Variants in SMAD6 observed in about 807,000 individuals in gnomAD.
SMAD6 encodes SMAD family member 6.
SMAD6 carries 103 observed loss-of-function variants against 39.4 expected under a neutral mutation model. That is an observed-to-expected ratio of 2.62 (90% CI 2.23 to 3.08). The LOEUF (loss-of-function observed/expected upper bound fraction) is 3.08. Ranked by LOEUF, SMAD6 falls within the 30% of genes most tolerant of loss-of-function variation. The pLI is 0.00. For synonymous variants in SMAD6, 445 were observed against 353.3 expected (o/e 1.26, Z -2.91); for missense variants, 1,104 against 742.9 (o/e 1.49, Z -5.65).
Position 66,781,398 on chromosome 15 carries a change from CCCGACGCCG to C in SMAD6, c.1361_1369del (p.Ala454_Asp456del), listed in dbSNP as rs1894571015. On this transcript the variant is annotated inframe_deletion, in exon 4 of 4. Coordinates refer to ENST00000288840, the MANE Select transcript of SMAD6 (RefSeq NM_005585.5). ...CTCGGGCCTGCAGCACGCGCCCGAGCCCGACGCCGCCGACGGCCCCTACGACCCCAACAG... is the reference window on the plus strand; with the variant it reads ...CTCGGGCCTGCAGCACGCGCCCGAGCCCGACGGCCCCTACGACCCCAACAG... 6.2e-7 allele frequency: 1 copy of C among 1,602,742 alleles called. No individual in the cohort carries two copies. The highest frequency in any genetic ancestry group is 1.7e-5 in the Admixed American group (1 of 59,822).
chr15:66,780,061 C>G (rs1230598951), intron 3 of SMAD6, among the ~76,000 whole-genome samples: 1 of 152,216 alleles, frequency 6.6e-6, no homozygotes, highest in Non-Finnish European at 1.5e-5. Context: ...TTAGCTACCC[C>G]TTTGCTATAC....
At chr15:66,741,420 T>G (rs1407916944) in intron 3 of SMAD6, among the ~76,000 whole-genome samples, 1 of 152,240 alleles carries the variant, frequency 6.6e-6, no homozygotes, top group Non-Finnish European at 1.5e-5. Context: ...AGGTTTGTGT[T>G]TCATTAGGCT....
At chr15:66,727,922 C>T (rs752305721) in intron 3 of SMAD6, among the ~76,000 whole-genome samples, 28 of 151,760 alleles carry the variant, frequency 1.8e-4, no homozygotes, top group Non-Finnish European at 1.0e-4. Context: ...GCGCGATCTC[C>T]GCTCGCGGTA....
intron 3 of SMAD6, among the ~76,000 whole-genome samples, chr15:66,723,760 C>G (rs1045876067): frequency 9.2e-5 from 14 of 152,248 alleles, no homozygotes; most frequent in African/African-American, 3.4e-4. Flanking sequence ...ATGCCAGTGG[C>G]AGATGATAGA....
At position 66,781,054 on chromosome 15, in the gene SMAD6, G is replaced by C; in HGVS notation, c.1010G>C (p.Trp337Ser). The part of the protein sequence containing the change: ...KPSHWCSVAY[W>S]EHRTRVGRLY... ...AGCCACTGGTGCAGCGTGGCGTACT[G>C]GGAGCACCGGACGCGCGTGGGCCGC... The change falls in exon 4 of 4, where the codon TGG (tryptophan) becomes TCG (serine). Residue 337 changes from tryptophan to serine, a missense_variant. By Grantham distance (177) the Trp-to-Ser change is radical (BLOSUM62 -3). Transcript: ENST00000288840. 1 of 1,602,900 alleles carries C rather than the reference G, an allele frequency of 6.2e-7. No homozygotes were observed. Among genetic ancestry groups the C allele is most frequent in the Non-Finnish European group, 8.5e-7 (1 of 1,178,384 alleles).
At chr15:66,708,878 C>T (rs1394919617) in intron 1 of SMAD6, 4 of 382,252 alleles carry the variant, frequency 1.0e-5, no homozygotes, top group South Asian at 2.0e-5. Context: ...TGAATATACT[C>T]AAAAACCACT....
At chr15:66,724,325 A>T (rs1287704370) in intron 3 of SMAD6, among the ~76,000 whole-genome samples, 1 of 152,204 alleles carries the variant, frequency 6.6e-6, no homozygotes, top group African/African-American at 2.4e-5. Context: ...TGAATGAATG[A>T]ATTTTTGCCT....
chr15:66,749,493 C>T (rs779206396), intron 3 of SMAD6, among the ~76,000 whole-genome samples: 18 of 152,066 alleles, frequency 1.2e-4, no homozygotes, highest in Non-Finnish European at 1.8e-4. Flanking sequence ...AGGCAGGCGT[C>T]GTGGCATGCA....
intron 3 of SMAD6, among the ~76,000 whole-genome samples, chr15:66,760,058 G>A (rs10468039): frequency 0.026 from 3,901 of 152,094 alleles, 92 homozygotes; most frequent in Non-Finnish European, 0.039. Flanking sequence ...TGCCCATGCC[G>A]TTCCCCAAAC....
At chr15:66,730,192 G>T (rs1893602067) in intron 3 of SMAD6, among the ~76,000 whole-genome samples, 1 of 152,222 alleles carries the variant, frequency 6.6e-6, no homozygotes. Context: ...GATGCGGATT[G>T]CCCACTGTCT....
chr15:66,759,380 C>CA (rs1342529486), intron 3 of SMAD6, among the ~76,000 whole-genome samples: 2 of 151,964 alleles, frequency 1.3e-5, no homozygotes, highest in Non-Finnish European at 2.9e-5. Flanking sequence ...AACAACACAG[C>CA]AAACTTTTTT....
chr15:66,734,190 G>A (rs1893675811), intron 3 of SMAD6, among the ~76,000 whole-genome samples: 1 of 152,226 alleles, frequency 6.6e-6, no homozygotes, highest in Non-Finnish European at 1.5e-5. Flanking sequence ...GTTCACATTT[G>A]GCTGTTTTCA....
chr15:66,727,594 G>A (rs765016997), intron 3 of SMAD6, among the ~76,000 whole-genome samples: 9 of 152,218 alleles, frequency 5.9e-5, no homozygotes, highest in East Asian at 3.9e-4. Flanking sequence ...ATTCTGGCAG[G>A]GCAGTAAGGA....
At chr15:66,778,763 C>T (rs930369682) in intron 3 of SMAD6, among the ~76,000 whole-genome samples, 2 of 152,158 alleles carry the variant, frequency 1.3e-5, no homozygotes, top group Admixed American at 6.5e-5. Flanking sequence ...AGCACCAAGG[C>T]GGCCCCAGCA....
Position 66,742,868 on chromosome 15 carries a change from G to T in SMAD6, c.952+26370G>T, listed in dbSNP as rs143845203. Among the ~76,000 whole-genome samples, 823 of 152,218 alleles carry T rather than the reference G, an allele frequency of 5.4e-3. 4 individuals carry two copies. The highest frequency in any genetic ancestry group is 0.015 in the Admixed American group (232 of 15,288). ...GGCCTGGCTTTGTTTCTGGGCTTGGGTGCTCTTACTGGGTTCTTCCCTTAA... is the reference window on the plus strand; with the variant it reads ...GGCCTGGCTTTGTTTCTGGGCTTGGTTGCTCTTACTGGGTTCTTCCCTTAA... On this transcript the variant is annotated intron_variant, in intron 3 of 3. Transcript: ENST00000288840.
rs1892987896 is a variant in SMAD6 at position 66,702,340 on chromosome 15, C to G, written c.-919C>G. On this transcript the variant is annotated 5_prime_UTR_variant, in exon 1 of 4. It adds an upstream start codon to the 5' untranslated region. Transcript: ENST00000288840. Reference sequence around the variant, plus strand: ...AGAGAGAGCCGAGCGGGGGAGCGATCGAGGGAGCTGAGCCGAGAGAAAGAG... The same window carrying G: ...AGAGAGAGCCGAGCGGGGGAGCGATGGAGGGAGCTGAGCCGAGAGAAAGAG... 6.6e-6 allele frequency: 1 copy of G among 151,306 alleles called. No individual in the cohort carries two copies. Among genetic ancestry groups the G allele is most frequent in the South Asian group, 2.1e-4 (1 of 4,798 alleles). 9.4% of individuals were successfully genotyped at this position (151,306 alleles called of 1,614,324 possible). A position where few individuals can be genotyped will look rare whatever the true frequency, so the allele number is the denominator to read the frequency against.
At chr15:66,728,081 G>A (rs754276524) in intron 3 of SMAD6, among the ~76,000 whole-genome samples, 2 of 152,126 alleles carry the variant, frequency 1.3e-5, no homozygotes, top group African/African-American at 2.4e-5. Context: ...TTAAACTCCC[G>A]AACTCAGGTG....
At chr15:66,765,432 C>T (rs758504137) in intron 3 of SMAD6, among the ~76,000 whole-genome samples, 9 of 152,312 alleles carry the variant, frequency 5.9e-5, no homozygotes, top group Non-Finnish European at 8.8e-5. Flanking sequence ...ACCATGTTAG[C>T]CAGGATGGTC....
chr15:66,769,219 G>A (rs1427858863), intron 3 of SMAD6, among the ~76,000 whole-genome samples: 1 of 152,180 alleles, frequency 6.6e-6, no homozygotes, highest in Non-Finnish European at 1.5e-5. Flanking sequence ...TGTTGGATGT[G>A]TGGGGTAACT....
Sources: gnomAD v4.1 joint callset for allele counts (sites outside exome capture counted in the v4.1 genomes callset) on GRCh38, gnomAD v4.1.1 for gene constraint, MANE v1.5 for transcripts, NCBI Gene and HGNC (gene_info 2026-07-23, HGNC 2026-07-21) for gene names.